The following CNTN3 variants were observed in gnomAD, a reference collection of about 807,000 sequenced individuals.
The protein encoded by CNTN3 is contactin 3, also known as contactin-3.
A neutral mutation model predicts 119.1 loss-of-function variants in CNTN3; 60 were observed. The ratio of observed to expected loss-of-function variants is 0.50; its 90% CI spans 0.41 to 0.62. The LOEUF (loss-of-function observed/expected upper bound fraction) is 0.62. CNTN3 is among the 20% of genes least tolerant of loss of function. The pLI, the probability that CNTN3 is intolerant of heterozygous loss-of-function variation, is 0.00. For missense variants in CNTN3, 1,101 were observed against 1,242.4 expected (o/e 0.89, Z 1.71); for synonymous variants, 450 against 438.7 (o/e 1.03, Z -0.32).
intron 4 of CNTN3, among the ~76,000 whole-genome samples, chr3:74,453,627 T>A (rs1226528569): frequency 6.6e-6 from 1 of 151,490 alleles, no homozygotes; most frequent in East Asian, 2.0e-4. Flanking sequence ...ATTTTGGATC[T>A]TTCCTGCTTT....
intron 1 of CNTN3, among the ~76,000 whole-genome samples, chr3:74,544,179 G>A: frequency 6.6e-6 from 1 of 152,112 alleles, no homozygotes; most frequent in East Asian, 1.9e-4. Context: ...GGTCAGGTTG[G>A]CACTGAAAGG....
At position 74,424,844 on chromosome 3, in the gene CNTN3, C is replaced by G. The variant is rs1196195746; in HGVS notation, c.454+1G>C. On this transcript the variant is annotated splice_donor_variant, in intron 5 of 22. Coordinates refer to ENST00000263665, the MANE Select transcript of CNTN3 (RefSeq NM_020872.3). LOFTEE classifies it high-confidence loss of function. ...AAAAGCAGAAACAGAGCATGACTTA[C>G]CTCCAGAGTGTGGTGGGGGGCCGCA... The G allele has an allele frequency of 6.2e-7, 1 of 1,612,912 alleles. No homozygotes were observed. Among genetic ancestry groups the G allele is most frequent in the Non-Finnish European group, 8.5e-7 (1 of 1,179,114 alleles).
At chr3:74,513,125 ACATACT>A (rs1270359450) in intron 2 of CNTN3, among the ~76,000 whole-genome samples, 1 of 152,164 alleles carries the variant, frequency 6.6e-6, no homozygotes, top group African/African-American at 2.4e-5. Context: ...TTACTGGGTG[ACATACT>A]CAGACTGCCC....
intron 19 of CNTN3, among the ~76,000 whole-genome samples, chr3:74,291,764 T>C (rs978965917): frequency 4.6e-5 from 7 of 152,180 alleles, no homozygotes; most frequent in African/African-American, 1.7e-4. Context: ...GCCACAGTCA[T>C]TCCTGTGGCT....
chr3:74,589,903 A>T (rs1462294093), intron 1 of CNTN3, among the ~76,000 whole-genome samples: 2 of 146,392 alleles, frequency 1.4e-5, no homozygotes, highest in Middle Eastern at 3.2e-3. Context: ...TGGGAATTGT[A>T]CAATGAGAAC....
chr3:74,401,915 G>A (rs1434323076), intron 5 of CNTN3, among the ~76,000 whole-genome samples: 2 of 152,078 alleles, frequency 1.3e-5, no homozygotes, highest in Non-Finnish European at 2.9e-5. Flanking sequence ...TAAAGCAATA[G>A]GCTTTGGCTG....
intron 8 of CNTN3, 75 bp from the exon 9 acceptor site, chr3:74,365,777 T>C (rs1350738088): frequency 1.5e-5 from 22 of 1,483,080 alleles, no homozygotes; most frequent in Non-Finnish European, 1.9e-5. Context: ...TATTTTATTA[T>C]CTTACCTGGA....
chr3:74,571,291 T>G (rs1704329107), intron 1 of CNTN3, among the ~76,000 whole-genome samples: 1 of 152,126 alleles, frequency 6.6e-6, no homozygotes. Context: ...TCCACTTGAG[T>G]TAGACATTGA....
At chr3:74,337,561 C>T (rs1703427616) in intron 11 of CNTN3, among the ~76,000 whole-genome samples, 1 of 151,940 alleles carries the variant, frequency 6.6e-6, no homozygotes, top group Non-Finnish European at 1.5e-5. Context: ...TGGTGGCAGG[C>T]AAAGAGGAAA....
intron 1 of CNTN3, among the ~76,000 whole-genome samples, chr3:74,570,894 C>T (rs978309451): frequency 6.6e-6 from 1 of 152,136 alleles, no homozygotes; most frequent in African/African-American, 2.4e-5. Flanking sequence ...TTCATTTGAA[C>T]ATGAAATGTG....
chr3:74,482,209 A>C (rs1384951109), intron 4 of CNTN3, among the ~76,000 whole-genome samples: 2 of 151,996 alleles, frequency 1.3e-5, no homozygotes, highest in African/African-American at 4.8e-5. Flanking sequence ...TAAATAGGCA[A>C]AAGTACTACA....
intron 1 of CNTN3, among the ~76,000 whole-genome samples, chr3:74,539,392 T>A (rs6783596): frequency 6.6e-6 from 1 of 152,198 alleles, no homozygotes; most frequent in African/African-American, 2.4e-5. Context: ...ACCAGCCATA[T>A]GAGGGAAGTA....
intron 1 of CNTN3, among the ~76,000 whole-genome samples, chr3:74,546,813 C>T (rs1174798279): frequency 6.6e-6 from 1 of 152,148 alleles, no homozygotes; most frequent in African/African-American, 2.4e-5. Flanking sequence ...TAATAAACTC[C>T]CTTTTATATA....
intron 1 of CNTN3, among the ~76,000 whole-genome samples, chr3:74,545,378 G>C (rs1703900272): frequency 6.6e-6 from 1 of 152,108 alleles, no homozygotes; most frequent in Non-Finnish European, 1.5e-5. Context: ...TTAAGACTCT[G>C]TGAAAACTAT....
chr3:74,502,182 T>C (rs1202867435), intron 2 of CNTN3, among the ~76,000 whole-genome samples: 1 of 152,082 alleles, frequency 6.6e-6, no homozygotes, highest in East Asian at 1.9e-4. Context: ...AAAGCAATAA[T>C]GCATTAACAT....
chr3:74,583,384 GA>G (rs35486005), intron 1 of CNTN3, among the ~76,000 whole-genome samples: 18,231 of 148,470 alleles, frequency 0.12, 1,166 homozygotes, highest in African/African-American at 0.16. Context: ...TAGTAATTAT[GA>G]AAAAAAAAAC....
chr3:74,427,316 C>G (rs761843739), intron 4 of CNTN3, among the ~76,000 whole-genome samples: 1 of 152,164 alleles, frequency 6.6e-6, no homozygotes, highest in African/African-American at 2.4e-5. Flanking sequence ...CTTTAACAAG[C>G]AGAACCTGGC....
intron 19 of CNTN3, 119 bp downstream of exon 19, chr3:74,295,002 T>A: frequency 1.8e-6 from 1 of 549,718 alleles, no homozygotes; most frequent in East Asian, 2.9e-5. Flanking sequence ...AATGTGTTGA[T>A]AAAAAAATTT....
chr3:74,272,253 G>C (rs1701792045), intron 20 of CNTN3, among the ~76,000 whole-genome samples: 1 of 152,210 alleles, frequency 6.6e-6, no homozygotes, highest in South Asian at 2.1e-4. Flanking sequence ...TGCATTCAAA[G>C]CTGTCCTGAG....
Sources: allele counts gnomAD v4.1 joint callset (sites outside exome capture counted in the v4.1 genomes callset), GRCh38; gene constraint gnomAD v4.1.1; transcripts MANE v1.5; gene names NCBI Gene and HGNC (gene_info 2026-07-23, HGNC 2026-07-21).